The following OR2A12 variants were observed in gnomAD, a reference collection of about 807,000 sequenced individuals.
OR2A12 encodes the protein olfactory receptor family 2 subfamily A member 12.
For synonymous variants in OR2A12, 153 were observed against 149.3 expected (o/e 1.02, Z -0.18); for missense variants, 380 against 372.5 (o/e 1.02, Z -0.17).
chr7:144,096,017 C>A lies in OR2A12; in HGVS notation c.910C>A (p.Leu304Ile). The A allele has an allele frequency of 6.3e-7, 1 of 1,598,560 alleles. No homozygotes were observed. Among genetic ancestry groups the A allele is most frequent in the Non-Finnish European group, 8.5e-7 (1 of 1,173,522 alleles). ...AEVKGALKRV[L>I]WKQRSM Reference sequence around the variant, plus strand: ...GGTGAAAGGGGCTCTAAAGAGAGTCCTTTGGAAACAGAGATCAATGTGAAG... The same window carrying A: ...GGTGAAAGGGGCTCTAAAGAGAGTCATTTGGAAACAGAGATCAATGTGAAG... Residue 304 changes from leucine (L) to isoleucine (I), a missense_variant, in exon 2 of 2, where the codon CTT becomes ATT. By Grantham distance (5) the Leu-to-Ile change is conservative. Coordinates refer to ENST00000641592, the MANE Select transcript of OR2A12 (RefSeq NM_001004135.2).
chr7:144,098,923 C>CCTTCCTTCCTTCCTTTCTCTTTCT (rs2051284716), exon 2 of OR2A12: 1 of 150,190 alleles, frequency 6.7e-6, no homozygotes, highest in Non-Finnish European at 1.5e-5. Flanking sequence ...TTCTTTCTTT[C>CCTTCCTTCCTTCCTTTCTCTTTCT]CTTCCTTCCT....
intron 1 of OR2A12, among the ~76,000 whole-genome samples, chr7:144,089,988 TC>T (rs1373255270): frequency 6.6e-6 from 1 of 152,190 alleles, no homozygotes; most frequent in Non-Finnish European, 1.5e-5. Context: ...GATCTATAGG[TC>T]CTCAGTGCCC....
At chr7:144,094,020 G>T (rs566703133) in intron 1 of OR2A12, among the ~76,000 whole-genome samples, 1 of 152,128 alleles carries the variant, frequency 6.6e-6, no homozygotes, top group Non-Finnish European at 1.5e-5. Context: ...ACATTTAATT[G>T]CATCTTCAAT....
intron 1 of OR2A12, among the ~76,000 whole-genome samples, chr7:144,094,438 C>T (rs1426202667): frequency 1.3e-5 from 2 of 152,176 alleles, no homozygotes; most frequent in Non-Finnish European, 2.9e-5. Context: ...AACAACTTGC[C>T]TTAACCCCAT....
At position 144,098,283 on chromosome 7, in the gene OR2A12, A is replaced by G. The variant is rs1339466314; in HGVS notation, c.*2243A>G. The G allele has an allele frequency of 6.6e-6, 1 of 152,156 alleles. No individual in the cohort carries two copies. The highest frequency in any genetic ancestry group is 2.4e-5 in the African/African-American group (1 of 41,448). The allele number at this position is 152,156 out of a possible 1,614,324, so 9.4% of individuals were successfully genotyped here. A position where few individuals can be genotyped will look rare whatever the true frequency, so the allele number is the denominator to read the frequency against. On this transcript the variant is annotated 3_prime_UTR_variant, in exon 2 of 2. Coordinates refer to ENST00000641592, the MANE Select transcript of OR2A12 (RefSeq NM_001004135.2). ...TCAGTAATATACAAGATCGTCGTACACATCAATTTTGTCTTGTCATAGCTG... is the reference window on the plus strand; with the variant it reads ...TCAGTAATATACAAGATCGTCGTACGCATCAATTTTGTCTTGTCATAGCTG...
In OR2A12 at chr7:144,095,807, A is replaced by C; in HGVS notation, c.700A>C (p.Arg234=). The change falls in exon 2 of 2, where the codon AGA becomes CGA. Residue 234 remains arginine, a synonymous_variant. Transcript: ENST00000641592. ...ILRIQSGEGR[R]KAFSTCSSHL... is the part of the protein sequence containing the mutation. ...GAGGATCCAGTCTGGGGAGGGCCGC[A>C]GAAAGGCCTTCTCTACCTGCTCCTC... 2 of 1,614,170 alleles carry C rather than the reference A, an allele frequency of 1.2e-6. No homozygotes were observed. Among genetic ancestry groups the C allele is most frequent in the Non-Finnish European group, 1.7e-6 (2 of 1,180,034 alleles).
At chr7:144,093,500 T>C in intron 1 of OR2A12, among the ~76,000 whole-genome samples, 1 of 152,118 alleles carries the variant, frequency 6.6e-6, no homozygotes, top group East Asian at 1.9e-4. Flanking sequence ...TTTAATACTT[T>C]AAGTTTTAGG....
rs115683140 is a variant in OR2A12 at position 144,089,107 on chromosome 7, G to A, written c.-52+2564G>A. Reference sequence around the variant, plus strand: ...TTATGGATATTCTTTTTCAGATTTAGGAAAAGTTTTTGTCTATTTGAATCT... The same window carrying A: ...TTATGGATATTCTTTTTCAGATTTAAGAAAAGTTTTTGTCTATTTGAATCT... On this transcript the variant is annotated intron_variant, in intron 1 of 1. Transcript: ENST00000641592. Among the ~76,000 whole-genome samples the A allele has an allele frequency of 2.3e-3, 353 of 152,214 alleles. 1 individual carries two copies. The highest frequency in any genetic ancestry group is 8.1e-3 in the African/African-American group (337 of 41,536).
In OR2A12 at chr7:144,097,942, G is replaced by T. The variant is rs947582633; in HGVS notation, c.*1902G>T. 1 of 152,130 alleles carries T rather than the reference G, an allele frequency of 6.6e-6. No individual in the cohort carries two copies. The highest frequency in any genetic ancestry group is 6.5e-5 in the Admixed American group (1 of 15,280). 9.4% of individuals were successfully genotyped at this position (152,130 alleles called of 1,614,324 possible). ...TAATTGCTATTGTGAAATAATATCT[G>T]ATATTATAAAATCTTTAAGCTGCAT... On this transcript the variant is annotated 3_prime_UTR_variant, in exon 2 of 2. Coordinates refer to ENST00000641592, the MANE Select transcript of OR2A12 (RefSeq NM_001004135.2).
At position 144,096,186 on chromosome 7, in the gene OR2A12, G is replaced by A. The variant is rs2051263635; in HGVS notation, c.*146G>A. 3.1e-6 allele frequency: 2 copies of A among 647,666 alleles called. No individual in the cohort carries two copies. The highest frequency in any genetic ancestry group is 3.3e-5 in the Admixed American group (1 of 30,696). 40.1% of individuals were successfully genotyped at this position (647,666 alleles called of 1,614,324 possible). ...AAAAGAGAAACTGGCCTGGCGTGGT[G>A]GCTGAAGCCTGTAATCCCAACACTT... On this transcript the variant is annotated 3_prime_UTR_variant, in exon 2 of 2. Coordinates refer to ENST00000641592, the MANE Select transcript of OR2A12 (RefSeq NM_001004135.2).
intron 1 of OR2A12, among the ~76,000 whole-genome samples, chr7:144,089,120 T>A (rs1234026773): frequency 6.6e-6 from 1 of 152,236 alleles, no homozygotes; most frequent in Admixed American, 6.5e-5. Context: ...AAAGTTTTTG[T>A]CTATTTGAAT....
In OR2A12 at chr7:144,096,231, G is replaced by T. The variant is rs375958654; in HGVS notation, c.*191G>T. 4.8e-5 allele frequency: 23 copies of T among 475,056 alleles called. No homozygotes were observed. Among genetic ancestry groups the T allele is most frequent in the Middle Eastern group, 5.6e-4 (1 of 1,770 alleles). The allele number at this position is 475,056 out of a possible 1,614,324, so 29.4% of individuals were successfully genotyped here. On this transcript the variant is annotated 3_prime_UTR_variant, in exon 2 of 2. Coordinates refer to ENST00000641592, the MANE Select transcript of OR2A12 (RefSeq NM_001004135.2). ...ACACTTTGGGAGGCTGACCTGGGCG[G>T]ATTACCTGAGGTCAGGAGTTCGAGA... is the stretch of plus-strand genomic sequence containing the variant.
At chr7:144,088,582 T>C (rs1351280026) in intron 1 of OR2A12, among the ~76,000 whole-genome samples, 2 of 152,236 alleles carry the variant, frequency 1.3e-5, no homozygotes, top group East Asian at 1.9e-4. Flanking sequence ...ATAGATCAAA[T>C]TGAATAGGTT....
rs1014776668 is a variant in OR2A12, at chr7:144,086,540, A to G, written c.-55A>G. 1.3e-5 allele frequency: 2 copies of G among 152,348 alleles called. No individual in the cohort carries two copies. Among genetic ancestry groups the G allele is most frequent in the African/African-American group, 4.8e-5 (2 of 41,448 alleles). 9.4% of individuals were successfully genotyped at this position (152,348 alleles called of 1,614,324 possible). On this transcript the variant is annotated 5_prime_UTR_variant, in exon 1 of 2. Transcript: ENST00000641592. Reference sequence around the variant, plus strand: ...CTTCATATGTTGTTCTCTGGACTCCACAGGTATGTCTCTGGATAATGGGCC... The same window carrying G: ...CTTCATATGTTGTTCTCTGGACTCCGCAGGTATGTCTCTGGATAATGGGCC...
chr7:144,092,275 T>A (rs1261595109), intron 1 of OR2A12, among the ~76,000 whole-genome samples: 2 of 152,164 alleles, frequency 1.3e-5, no homozygotes, highest in Non-Finnish European at 2.9e-5. Context: ...TAGTTTGAAG[T>A]CAAATAGCAT....
chr7:144,091,946 C>A (rs1275795107), intron 1 of OR2A12, among the ~76,000 whole-genome samples: 1 of 152,056 alleles, frequency 6.6e-6, no homozygotes, highest in Non-Finnish European at 1.5e-5. Context: ...CAGAACAGTA[C>A]CACCTAGATT....
chr7:144,090,861 T>C (rs1341968808), intron 1 of OR2A12, among the ~76,000 whole-genome samples: 25 of 152,226 alleles, frequency 1.6e-4, no homozygotes, highest in Non-Finnish European at 1.5e-5. Context: ...AAGGACATGA[T>C]CTCATTCTTT....
chr7:144,089,579 T>A (rs1243967055), intron 1 of OR2A12, among the ~76,000 whole-genome samples: 8 of 152,196 alleles, frequency 5.3e-5, no homozygotes, highest in Admixed American at 1.3e-4. Context: ...TTTTTTTCTT[T>A]TTTGGCCTGC....
Position 144,096,527 on chromosome 7 carries a change from A to C in OR2A12, c.*487A>C. ...TTACTATTTAAGGCATTGATACCAAACCTGAGATAAACTTATGAAACAGAA... is the reference window on the plus strand; with the variant it reads ...TTACTATTTAAGGCATTGATACCAACCCTGAGATAAACTTATGAAACAGAA... On this transcript the variant is annotated 3_prime_UTR_variant, in exon 2 of 2. Coordinates refer to ENST00000641592, the MANE Select transcript of OR2A12 (RefSeq NM_001004135.2). 1 of 144,172 alleles carries C rather than the reference A, an allele frequency of 6.9e-6. No individual in the cohort carries two copies. The highest frequency in any genetic ancestry group is 1.9e-4 in the East Asian group (1 of 5,190). 8.9% of individuals were successfully genotyped at this position (144,172 alleles called of 1,614,324 possible).
Sources: gnomAD v4.1 joint callset for allele counts (sites outside exome capture counted in the v4.1 genomes callset) on GRCh38, gnomAD v4.1.1 for gene constraint, MANE v1.5 for transcripts, NCBI Gene and HGNC (gene_info 2026-07-23, HGNC 2026-07-21) for gene names.